Variants in ACP5 observed in about 807,000 individuals in gnomAD.
The protein encoded by ACP5 is tartrate-resistant acid phosphatase type 5.
Under a neutral mutation model 28.7 loss-of-function variants are expected in ACP5, and 24 were observed. The observed-to-expected ratio is 0.84, with a 90% CI of 0.61 to 1.18. The LOEUF is 1.18. Ranked by LOEUF, ACP5 falls within the 50% of genes most tolerant of loss-of-function variation. ACP5 has a pLI of 0.00. For missense variants in ACP5, 354 were observed against 422.2 expected (o/e 0.84, Z 1.42); for synonymous variants, 154 against 181.4 (o/e 0.85, Z 1.21).
chr19:11,575,741 C>A lies in ACP5; in HGVS notation c.736-489G>T, dbSNP rs1036496466. 2.0e-5 allele frequency among the ~76,000 whole-genome samples: 3 copies of A among 151,596 alleles called. No homozygotes were observed. The East Asian group carries it at 5.8e-4, about 29-fold the overall frequency. Reference sequence around the variant, plus strand: ...GTTTGGTGGCCCATGCTTGTAATCCCAGCTACTTGGGAGGCTGAGACAGGA... The same window carrying A: ...GTTTGGTGGCCCATGCTTGTAATCCAAGCTACTTGGGAGGCTGAGACAGGA... On this transcript the variant is annotated intron_variant, in intron 4 of 4. Transcript: ENST00000648477.
intron 4 of ACP5, 145 bp from the exon 5 acceptor site, chr19:11,575,397 G>T: frequency 1.0e-6 from 1 of 964,550 alleles, no homozygotes. Context: ...TTTTAGGAGT[G>T]TATTAATCCT....
intron 3 of ACP5, 39 bp from the exon 4 acceptor site, chr19:11,576,627 C>G: frequency 6.2e-7 from 1 of 1,613,484 alleles, no homozygotes. Flanking sequence ...ACATCTTGGG[C>G]GCAGAAGTCC....
chr19:11,577,283 G>A lies in ACP5; in HGVS notation c.35C>T (p.Ala12Val). ...ATCAGCCAGGGAGGGTAGCAACAAG[G>A]CTTGCAGGATGAGCAGCGCCGTCCA... Reference protein sequence around the residue: ...DMWTALLILQALLLPSLADGA... With the variant: ...DMWTALLILQVLLLPSLADGA... Residue 12 changes from alanine to valine, a missense_variant, in exon 2 of 5, where the codon GCC becomes GTC. Coordinates refer to ENST00000648477, the MANE Select transcript of ACP5 (RefSeq NM_001611.5). The surrounding 1 kb of genome is among the most constrained non-coding windows in gnomAD (Gnocchi z 5.7). 3 of 1,614,134 alleles carry A rather than the reference G, an allele frequency of 1.9e-6. No homozygotes were observed. The highest frequency in any genetic ancestry group is 2.5e-6 in the Non-Finnish European group (3 of 1,179,984).
upstream of ACP5, chr19:11,578,035 TG>T (rs1260177712): frequency 6.4e-6 from 1 of 157,084 alleles, no homozygotes; most frequent in Non-Finnish European, 1.4e-5. Context: ...TGTGTGTGTC[TG>T]GGTGTGTCTT....
chr19:11,577,460 G>T lies in ACP5; in HGVS notation c.-1+133C>A. 1.1e-6 allele frequency: 1 copy of T among 949,054 alleles called. No homozygotes were observed. The highest frequency in any genetic ancestry group is 1.6e-6 in the Non-Finnish European group (1 of 611,578). 58.8% of individuals were successfully genotyped at this position (949,054 alleles called of 1,614,324 possible). A position where few individuals can be genotyped will look rare whatever the true frequency, so the allele number is the denominator to read the frequency against. On this transcript the variant is annotated intron_variant, in intron 1 of 4. Transcript: ENST00000648477. This position sits in a 1 kb window ranked among gnomAD's most constrained non-coding sequence, Gnocchi z 5.7. ...AACCCCTTGGTGCCCTAATTCTCAG[G>T]ACACACAAGCTGCACAAGGCTGCAC...
intron 4 of ACP5, chr19:11,575,596 G>A: frequency 2.9e-6 from 1 of 341,296 alleles, no homozygotes; most frequent in Non-Finnish European, 5.7e-6. Flanking sequence ...AGTGGCTCAT[G>A]CCTATAATCC....
rs146436811 is a variant in ACP5 at position 11,575,024 on chromosome 19, G to T, written c.964C>A (p.Arg322=). 3 of 1,614,116 alleles carry T rather than the reference G, an allele frequency of 1.9e-6. No individual in the cohort carries two copies. Among genetic ancestry groups the T allele is most frequent in the Non-Finnish European group, 2.5e-6 (3 of 1,180,032 alleles). ...GTCATGGGAGTTCAGGGCCTGGCTC[G>T]CCTCGGCAGCCTGGTCTTAAAGAGG... ...KSLFKTRLPR[R]ARP Residue 322 remains arginine (R), a synonymous_variant, in exon 5 of 5, where the codon CGA becomes AGA. Transcript: ENST00000648477.
chr19:11,577,928 A>ATT, upstream of ACP5: 1 of 193,002 alleles, frequency 5.2e-6, no homozygotes, highest in Non-Finnish European at 1.1e-5. The surrounding 1 kb of genome is among the most constrained non-coding windows in gnomAD (Gnocchi z 5.7). Flanking sequence ...TGTGTATCTC[A>ATT]GTGTGAGTGT....
chr19:11,576,642 G>A (rs1007841729), intron 3 of ACP5, 54 bp from the exon 4 acceptor site: 38 of 1,613,352 alleles, frequency 2.4e-5, no homozygotes, highest in Non-Finnish European at 3.1e-5. Flanking sequence ...AAGTCCCAGG[G>A]TCAGCTCAAG....
In ACP5 at chr19:11,576,247, A is replaced by C. The variant is rs1453335064; in HGVS notation, c.731T>G (p.Leu244Arg). The C allele has an allele frequency of 6.2e-7, 1 of 1,604,698 alleles. No individual in the cohort carries two copies. Among genetic ancestry groups the C allele is most frequent in the Non-Finnish European group, 8.5e-7 (1 of 1,179,502 alleles). Residue 244 changes from leucine to arginine, a missense_variant, in exon 4 of 5, where the codon CTG becomes CGG. Leu to Arg is a moderately radical substitution (Grantham distance 102, BLOSUM62 -2). Coordinates refer to ENST00000648477, the MANE Select transcript of ACP5 (RefSeq NM_001611.5). ...TAYLCGHDHN[L>R]QYLQDENGVG... ...CCCCACCCACAGGGCCCTCACCTGCAGATTGTGATCGTGGCCGCACAGGTA... is the reference window on the plus strand; with the variant it reads ...CCCCACCCACAGGGCCCTCACCTGCCGATTGTGATCGTGGCCGCACAGGTA...
Position 11,577,348 on chromosome 19 carries a change from C to G in ACP5, c.1-31G>C, listed in dbSNP as rs564079812. 7 of 1,607,450 alleles carry G rather than the reference C, an allele frequency of 4.4e-6. No homozygotes were observed. In the East Asian group the frequency reaches 1.6e-4, roughly 36 times the overall value. On this transcript the variant is annotated intron_variant, in intron 1 of 4. Coordinates refer to ENST00000648477, the MANE Select transcript of ACP5 (RefSeq NM_001611.5). This position sits in a 1 kb window ranked among gnomAD's most constrained non-coding sequence, Gnocchi z 5.7. Reference sequence around the variant, plus strand: ...AGAAGAGAGACAAGCATAGGTGGCCCGGGCTGTGACAAGGGCAGGGAGGCC... The same window carrying G: ...AGAAGAGAGACAAGCATAGGTGGCCGGGGCTGTGACAAGGGCAGGGAGGCC...
At chr19:11,576,887 G>A in intron 2 of ACP5, 44 bp from the exon 3 acceptor site, 2 of 1,613,740 alleles carry the variant, frequency 1.2e-6, no homozygotes, top group Non-Finnish European at 1.7e-6. Context: ...GGGGTCAGTG[G>A]CTATGCCGAT....
At chr19:11,576,033 A>AAAAG (rs903897996) in intron 4 of ACP5, among the ~76,000 whole-genome samples, 2 of 149,054 alleles carry the variant, frequency 1.3e-5, no homozygotes, top group African/African-American at 2.5e-5. Context: ...AAGAGCTTAA[A>AAAAG]AAAGAAAGAA....
At chr19:11,576,990 C>T in intron 2 of ACP5, 67 bp downstream of exon 2, 1 of 1,610,494 alleles carries the variant, frequency 6.2e-7, no homozygotes. Context: ...AAAGGAAGGT[C>T]ACTAGGTAAG....
chr19:11,577,741 C>T, upstream of ACP5: 1 of 292,970 alleles, frequency 3.4e-6, no homozygotes, highest in Non-Finnish European at 6.7e-6. The surrounding 1 kb of genome is among the most constrained non-coding windows in gnomAD (Gnocchi z 5.7). Flanking sequence ...GTCCCGGGAG[C>T]CCTCCCCTTG....
chr19:11,576,060 T>A (rs1415193990), intron 4 of ACP5, among the ~76,000 whole-genome samples, 183 bp downstream of exon 4: 4 of 137,728 alleles, frequency 2.9e-5, no homozygotes, highest in Admixed American at 1.5e-4. Context: ...AAATTGGCAA[T>A]TCGAAGATAT....
In ACP5 at chr19:11,576,336, G is replaced by A. The variant is rs748235353; in HGVS notation, c.642C>T (p.His214=). The change falls in exon 4 of 5, where the codon CAC becomes CAT. Residue 214 remains histidine (H), a synonymous_variant. Coordinates refer to ENST00000648477, the MANE Select transcript of ACP5 (RefSeq NM_001611.5). The part of the protein sequence containing the change: ...GHYPVWSIAE[H]GPTHCLVKQL... ...GCTTGACCAGGCAGTGGGTAGGCCC[G>A]TGCTCGGCTATGGACCACACGGGGT... The A allele has an allele frequency of 2.9e-5, 46 of 1,611,374 alleles. No homozygotes were observed. Among genetic ancestry groups the A allele is most frequent in the Middle Eastern group, 3.4e-4 (2 of 5,920 alleles).
chr19:11,577,817 G>A (rs1973231501), upstream of ACP5: 1 of 243,716 alleles, frequency 4.1e-6, no homozygotes, highest in South Asian at 5.4e-5. This position sits in a 1 kb window ranked among gnomAD's most constrained non-coding sequence, Gnocchi z 5.7. Flanking sequence ...GGAGGATCTG[G>A]GCACACGTGT....
chr19:11,577,462 C>CACACAAGCTGCACAAGGCT lies in ACP5; in HGVS notation c.-1+112_-1+130dup. On this transcript the variant is annotated intron_variant, in intron 1 of 4. Coordinates refer to ENST00000648477, the MANE Select transcript of ACP5 (RefSeq NM_001611.5). The surrounding 1 kb of genome is among the most constrained non-coding windows in gnomAD (Gnocchi z 5.7). The stretch of plus-strand genomic sequence containing the variant: ...CCCCTTGGTGCCCTAATTCTCAGGA[C>CACACAAGCTGCACAAGGCT]ACACAAGCTGCACAAGGCTGCACAA... 3.2e-6 allele frequency: 3 copies of CACACAAGCTGCACAAGGCT among 929,556 alleles called. No homozygotes were observed. Among genetic ancestry groups the CACACAAGCTGCACAAGGCT allele is most frequent in the Middle Eastern group, 3.2e-4 (1 of 3,130 alleles). The allele number at this position is 929,556 out of a possible 1,614,324, so 57.6% of individuals were successfully genotyped here. A position where few individuals can be genotyped will look rare whatever the true frequency, so the allele number is the denominator to read the frequency against.
Sources: allele counts gnomAD v4.1 joint callset (sites outside exome capture counted in the v4.1 genomes callset), GRCh38; gene constraint gnomAD v4.1.1; non-coding constraint Gnocchi (gnomAD v3.1); transcripts MANE v1.5; gene names NCBI Gene and HGNC (gene_info 2026-07-23, HGNC 2026-07-21).